Variants in ESRRB observed in about 807,000 individuals in gnomAD.
ESRRB encodes steroid hormone receptor ERR2.
A neutral mutation model predicts 46.0 loss-of-function variants in ESRRB; 16 were observed. That is an observed-to-expected ratio of 0.35 (90% confidence interval 0.24 to 0.53). ESRRB has a LOEUF of 0.53. ESRRB is among the 20% of genes least tolerant of loss of function. The probability of loss-of-function intolerance (pLI) is 0.93; values close to 1 mark genes in which losing one functional copy is unlikely to be tolerated. For synonymous variants in ESRRB, 246 were observed against 259.6 expected (o/e 0.95, Z 0.50); for missense variants, 488 against 607.4 (o/e 0.80, Z 2.07).
rs368735685 is a variant in ESRRB at position 76,434,056 on chromosome 14, T to C, written c.51-5285T>C. 4.6e-5 allele frequency among the ~76,000 whole-genome samples: 7 copies of C among 152,034 alleles called. No homozygotes were observed. In the East Asian group the frequency reaches 1.4e-3, roughly 30 times the overall value. On this transcript the variant is annotated intron_variant, in intron 1 of 6. Transcript: ENST00000644823. The stretch of plus-strand genomic sequence containing the variant: ...TCACTGCAGCCTCTGCTTCCTGTGT[T>C]CAAGCAATTCGCCTACCTCAGCCTC...
intron 1 of ESRRB, among the ~76,000 whole-genome samples, chr14:76,366,010 T>G (rs964397457): frequency 2.0e-5 from 3 of 152,224 alleles, no homozygotes; most frequent in Admixed American, 6.5e-5. Flanking sequence ...GAGCCATTCC[T>G]GCCTCCGCTT....
chr14:76,409,990 G>A (rs557646471), intron 1 of ESRRB, among the ~76,000 whole-genome samples: 1 of 152,302 alleles, frequency 6.6e-6, no homozygotes, highest in South Asian at 2.1e-4. Flanking sequence ...TTGAGAGGCT[G>A]AGGGGGGTGG....
At chr14:76,435,456 A>G (rs1887633096) in intron 1 of ESRRB, among the ~76,000 whole-genome samples, 1 of 152,232 alleles carries the variant, frequency 6.6e-6, no homozygotes, top group Non-Finnish European at 1.5e-5. Context: ...TTATCTGGCC[A>G]GCACTTGGCA....
At chr14:76,473,865 G>A (rs928235831) in intron 3 of ESRRB, among the ~76,000 whole-genome samples, 5 of 152,314 alleles carry the variant, frequency 3.3e-5, no homozygotes, top group Admixed American at 1.3e-4. Flanking sequence ...GGGGAGCCCC[G>A]CTCCCCTCCT....
chr14:76,353,666 T>C (rs1381113804), intron 1 of ESRRB, among the ~76,000 whole-genome samples: 1 of 152,150 alleles, frequency 6.6e-6, no homozygotes, highest in Non-Finnish European at 1.5e-5. Flanking sequence ...TCACAGATTG[T>C]AAGGGCTGGG....
At chr14:76,434,985 G>A (rs1051997898) in intron 1 of ESRRB, among the ~76,000 whole-genome samples, 3 of 152,206 alleles carry the variant, frequency 2.0e-5, no homozygotes, top group African/African-American at 7.2e-5. Context: ...CCTTCTCCGA[G>A]GACTCAAGTG....
intron 3 of ESRRB, among the ~76,000 whole-genome samples, chr14:76,476,692 T>C (rs959996271): frequency 1.3e-5 from 2 of 151,250 alleles, no homozygotes; most frequent in African/African-American, 4.9e-5. Flanking sequence ...AGCCTGGAGA[T>C]GCGCAGCTGC....
intron 1 of ESRRB, among the ~76,000 whole-genome samples, chr14:76,340,304 T>C (rs1195617072): frequency 6.6e-6 from 1 of 152,238 alleles, no homozygotes; most frequent in African/African-American, 2.4e-5. Context: ...CGGACAGATG[T>C]GAGCACCCCT....
At chr14:76,462,880 C>T (rs1303511548) in intron 3 of ESRRB, among the ~76,000 whole-genome samples, 2 of 152,142 alleles carry the variant, frequency 1.3e-5, no homozygotes, top group Admixed American at 6.5e-5. Context: ...AGGATCCTTC[C>T]GAACCCCTGA....
chr14:76,500,185 A>T lies in ESRRB; in HGVS notation c.*1727A>T, dbSNP rs1890611624. On this transcript the variant is annotated 3_prime_UTR_variant, in exon 7 of 7. Transcript: ENST00000644823. ...GCTGAGGTCATCCCAGACAGGAGGG[A>T]GGGCTGGCTGAAATCCACAAACTGC... The T allele has an allele frequency of 1.2e-6, 1 of 803,110 alleles. No homozygotes were observed. Among genetic ancestry groups the T allele is most frequent in the Non-Finnish European group, 2.0e-6 (1 of 508,052 alleles). 49.7% of individuals were successfully genotyped at this position (803,110 alleles called of 1,614,324 possible).
chr14:76,376,174 T>A lies in ESRRB; in HGVS notation c.-228T>A. 1 of 390,616 alleles carries A rather than the reference T, an allele frequency of 2.6e-6. No homozygotes were observed. The highest frequency in any genetic ancestry group is 3.6e-5 in the East Asian group (1 of 27,532). 24.2% of individuals were successfully genotyped at this position (390,616 alleles called of 1,614,324 possible). ...CCCCAGCCTCCTCCACGGCTTCGCATCCCCTCTGCCCGCTCTCTCCGGAGC... is the reference window on the plus strand; with the variant it reads ...CCCCAGCCTCCTCCACGGCTTCGCAACCCCTCTGCCCGCTCTCTCCGGAGC... On this transcript the variant is annotated 5_prime_UTR_variant, in exon 1 of 7. Transcript: ENST00000644823. This position sits in a 1 kb window ranked among gnomAD's most constrained non-coding sequence, Gnocchi z 4.1.
At chr14:76,400,237 C>G (rs986029146) in intron 1 of ESRRB, among the ~76,000 whole-genome samples, 2 of 152,154 alleles carry the variant, frequency 1.3e-5, no homozygotes, top group Non-Finnish European at 2.9e-5. Context: ...CATTTTCCTT[C>G]TGGGAAAACT....
intron 2 of ESRRB, among the ~76,000 whole-genome samples, chr14:76,444,073 T>C (rs888808333): frequency 3.9e-5 from 6 of 152,122 alleles, no homozygotes; most frequent in African/African-American, 1.4e-4. Flanking sequence ...TTGTTGTTTT[T>C]TTTTTTGAGA....
At chr14:76,315,276 A>G (rs202167006) in intron 1 of ESRRB, among the ~76,000 whole-genome samples, 1 of 41,958 alleles carries the variant, frequency 2.4e-5, no homozygotes, top group Non-Finnish European at 6.1e-5. Context: ...CCCCTGTGCT[A>G]TGCTTCTGTG....
At chr14:76,462,884 C>G (rs1409982756) in intron 3 of ESRRB, among the ~76,000 whole-genome samples, 1 of 152,148 alleles carries the variant, frequency 6.6e-6, no homozygotes, top group Non-Finnish European at 1.5e-5. Flanking sequence ...TCCTTCCGAA[C>G]CCCTGACCCC....
In ESRRB at chr14:76,317,519, A is replaced by G. The variant is rs1312846493; in HGVS notation, c.2+6603A>G. Reference sequence around the variant, plus strand: ...CACAGGTCAGCTGGGGGAAGGCACAATGAAGGGTGCCTAGGGCCTCCTCAT... The same window carrying G: ...CACAGGTCAGCTGGGGGAAGGCACAGTGAAGGGTGCCTAGGGCCTCCTCAT... On this transcript the variant is annotated intron_variant, in intron 1 of 6. Coordinates refer to the ESRRB transcript ENST00000512784. Among the ~76,000 whole-genome samples the G allele has an allele frequency of 3.3e-5, 5 of 152,180 alleles. No individual in the cohort carries two copies. In the South Asian group the frequency reaches 6.2e-4, roughly 19 times the overall value.
chr14:76,310,978 T>TTCTCTCTCTC (rs68079657), intron 1 of ESRRB: 4,522 of 361,330 alleles, frequency 0.013, 53 homozygotes, highest in African/African-American at 0.019. Context: ...TCTGTCCCCT[T>TTCTCTCTCTC]TCTCTCTCTC....
chr14:76,377,202 C>T (rs569031991), intron 1 of ESRRB, among the ~76,000 whole-genome samples: 2 of 152,256 alleles, frequency 1.3e-5, no homozygotes, highest in East Asian at 1.9e-4. Flanking sequence ...GGGCGGCAGC[C>T]GGCGCCGCGA....
chr14:76,433,030 A>G (rs1382119464), intron 1 of ESRRB, among the ~76,000 whole-genome samples: 1 of 152,124 alleles, frequency 6.6e-6, no homozygotes, highest in Non-Finnish European at 1.5e-5. Flanking sequence ...TTCTTCCAGT[A>G]GGACCCCACC....
Sources: allele counts gnomAD v4.1 joint callset (sites outside exome capture counted in the v4.1 genomes callset), GRCh38; gene constraint gnomAD v4.1.1; non-coding constraint Gnocchi (gnomAD v3.1); transcripts MANE v1.5; gene names NCBI Gene and HGNC (gene_info 2026-07-23, HGNC 2026-07-21).